Variants in DSG1 observed in about 807,000 individuals in gnomAD.
DSG1 encodes the protein desmoglein 1, also known as desmoglein-1.
DSG1 carries 39 observed loss-of-function variants against 97.5 expected under a neutral mutation model. That is an observed-to-expected ratio of 0.40 (90% confidence interval 0.31 to 0.52). The LOEUF (loss-of-function observed/expected upper bound fraction) is 0.52. Among genes scored for constraint, DSG1 ranks in the 20% least tolerant of loss-of-function variants. DSG1 has a pLI of 0.53. For synonymous variants in DSG1, 475 were observed against 443.4 expected (o/e 1.07, Z -0.90); for missense variants, 1,311 against 1,295.4 (o/e 1.01, Z -0.18).
chr18:31,346,853 T>C (rs1419160163), intron 14 of DSG1, among the ~76,000 whole-genome samples: 1 of 152,180 alleles, frequency 6.6e-6, no homozygotes, highest in Non-Finnish European at 1.5e-5. Context: ...AGTACATAGC[T>C]CAGTTCTAGA....
Position 31,334,165 on chromosome 18 carries a change from A to G in DSG1, c.968A>G (p.Asn323Ser). The G allele has an allele frequency of 6.2e-7, 1 of 1,607,184 alleles. No homozygotes were observed. Among genetic ancestry groups the G allele is most frequent in the Non-Finnish European group, 8.5e-7 (1 of 1,174,026 alleles). Residue 323 changes from asparagine (N) to serine (S), a missense_variant, in exon 8 of 15, where the codon AAT becomes AGT. By Grantham distance (46) the Asn-to-Ser change is conservative (BLOSUM62 1). Transcript: ENST00000257192. Reference sequence around the variant, plus strand: ...GGAAATTGGTTTGAGATAGAAATGAATGAAAGAACAAATGTGGGAATTTTA... The same window carrying G: ...GGAAATTGGTTTGAGATAGAAATGAGTGAAAGAACAAATGTGGGAATTTTA... ...NEGNWFEIEMNERTNVGILKV... is the reference protein window; with the variant it reads ...NEGNWFEIEMSERTNVGILKV...
Position 31,328,271 on chromosome 18 carries a change from T to C in DSG1, c.299T>C (p.Phe100Ser). 1 of 1,613,606 alleles carries C rather than the reference T, an allele frequency of 6.2e-7. No homozygotes were observed. The change falls in exon 4 of 15, where the codon TTT becomes TCT. Residue 100 changes from phenylalanine to serine, a missense_variant. This residue lies in a region of DSG1 where 259 missense variants were observed against 304.1 expected (regional missense o/e 0.85). Transcript: ENST00000257192. ...VGIDQPPYGI[F>S]VINQKTGEIN... ...ATTGATCAGCCACCATATGGGATCT[T>C]TGTCATTAATCAGAAAACTGGTGAA... is the stretch of plus-strand genomic sequence containing the variant.
chr18:31,344,529 T>TA (rs2071815788), intron 13 of DSG1, among the ~76,000 whole-genome samples: 1 of 152,194 alleles, frequency 6.6e-6, no homozygotes, highest in Non-Finnish European at 1.5e-5. Flanking sequence ...AAATATTACC[T>TA]AAAAAATATT....
intron 14 of DSG1, among the ~76,000 whole-genome samples, chr18:31,349,261 A>G (rs1443422132): frequency 2.0e-3 from 280 of 139,004 alleles, no homozygotes; most frequent in Admixed American, 3.3e-3. Flanking sequence ...GGTTTGTCAA[A>G]GATCAGATAG....
chr18:31,336,714 A>G (rs1442136602), intron 9 of DSG1, 101 bp downstream of exon 9: 1 of 1,252,936 alleles, frequency 8.0e-7, no homozygotes, highest in Non-Finnish European at 1.1e-6. Context: ...ACTTTTCATT[A>G]TTTTTGAAAC....
rs199935087 is a variant in DSG1, at chr18:31,342,587, C to A, written c.1688-863C>A. Among the ~76,000 whole-genome samples the A allele has an allele frequency of 6.6e-5, 10 of 152,136 alleles. No homozygotes were observed. The East Asian group carries it at 1.9e-3, about 29-fold the overall frequency. ...GATAATAAATAGATAAATAAGAAAA[C>A]TCCACTTAACAGCAAAAGACAGTGC... On this transcript the variant is annotated intron_variant, in intron 11 of 14. Coordinates refer to ENST00000257192, the MANE Select transcript of DSG1 (RefSeq NM_001942.4).
chr18:31,327,140 G>A, intron 3 of DSG1, 135 bp downstream of exon 3: 1 of 1,155,624 alleles, frequency 8.7e-7, no homozygotes, highest in Middle Eastern at 2.0e-4. Context: ...TCACCTAGAT[G>A]ATGAAAACTG....
Position 31,345,992 on chromosome 18 carries a change from G to C in DSG1, c.1894G>C (p.Val632Leu), listed in dbSNP as rs2071830317. 6.2e-7 allele frequency: 1 copy of C among 1,612,862 alleles called. No individual in the cohort carries two copies. Among genetic ancestry groups the C allele is most frequent in the Non-Finnish European group, 8.5e-7 (1 of 1,179,062 alleles). The change falls in exon 14 of 15, where the codon GTT (valine) becomes CTT (leucine). Residue 632 changes from valine to leucine, a missense_variant and splice_region_variant. Val to Leu is a conservative substitution (Grantham distance 32, BLOSUM62 1). Coordinates refer to ENST00000257192, the MANE Select transcript of DSG1 (RefSeq NM_001942.4). ...NIIECIDNSG[V>L]YTNEYGGREM... ...TTTAATTTGATCAACACTTTTAGGA[G>C]TTTATACAAATGAGTATGGTGGCAG...
At chr18:31,334,846 T>C (rs2071742185) in intron 8 of DSG1, among the ~76,000 whole-genome samples, 1 of 152,120 alleles carries the variant, frequency 6.6e-6, no homozygotes. Flanking sequence ...TAAAATTTCA[T>C]CTGAGATGTG....
chr18:31,353,958 A>T, intron 14 of DSG1: 1 of 314,548 alleles, frequency 3.2e-6, no homozygotes, highest in Non-Finnish European at 6.1e-6. Context: ...GGAGCTGTAG[A>T]CCAGAGCTGT....
intron 14 of DSG1, among the ~76,000 whole-genome samples, chr18:31,350,561 A>G: frequency 6.7e-6 from 1 of 149,486 alleles, no homozygotes; most frequent in African/African-American, 2.5e-5. Context: ...TCCTCCTTGT[A>G]CCTCTGGTAG....
chr18:31,344,620 A>T (rs1304242748), intron 13 of DSG1, among the ~76,000 whole-genome samples: 2 of 152,232 alleles, frequency 1.3e-5, no homozygotes, highest in Non-Finnish European at 2.9e-5. Flanking sequence ...TTGTGTGCAC[A>T]TGGTGGAGTT....
chr18:31,341,175 A>G (rs1263275168), intron 11 of DSG1, among the ~76,000 whole-genome samples: 1 of 152,250 alleles, frequency 6.6e-6, no homozygotes, highest in Non-Finnish European at 1.5e-5. Context: ...GGAAATGAGA[A>G]CAGGAGCTCT....
At chr18:31,339,632 A>T in intron 10 of DSG1, 112 bp from the exon 11 acceptor site, 1 of 737,840 alleles carries the variant, frequency 1.4e-6, no homozygotes, top group Non-Finnish European at 2.1e-6. Flanking sequence ...AGGAGAAATT[A>T]TGGGAATAAA....
Position 31,354,657 on chromosome 18 carries a change from C to G in DSG1, c.2461C>G (p.Leu821Val), listed in dbSNP as rs776018641. 5 of 1,614,054 alleles carry G rather than the reference C, an allele frequency of 3.1e-6. No homozygotes were observed. The South Asian group carries it at 4.4e-5, about 14-fold the overall frequency. The change falls in exon 15 of 15, where the codon CTG becomes GTG. Residue 821 changes from leucine (L) to valine (V), a missense_variant. Transcript: ENST00000257192. ...CACCTATCCCTCGGGACCTGGTGTA[C>G]TGCATCCTAAGCCTATTCTCGATCC... Reference protein sequence around the residue: ...ESTYPSGPGVLHPKPILDPLG... With the variant: ...ESTYPSGPGVVHPKPILDPLG...
Position 31,334,120 on chromosome 18 carries a change from T to C in DSG1, c.923T>C (p.Phe308Ser). 2 of 1,609,892 alleles carry C rather than the reference T, an allele frequency of 1.2e-6. No individual in the cohort carries two copies. The highest frequency in any genetic ancestry group is 1.7e-6 in the Non-Finnish European group (2 of 1,176,368). ...EFSANWMAVIFFISGNEGNWF... is the reference protein window; with the variant it reads ...EFSANWMAVISFISGNEGNWF... The stretch of plus-strand genomic sequence containing the variant: ...TCAGCTAACTGGATGGCAGTAATTT[T>C]CTTTATCTCTGGAAATGAAGGAAAT... The change falls in exon 8 of 15, where the codon TTC becomes TCC. Residue 308 changes from phenylalanine to serine, a missense_variant. Coordinates refer to ENST00000257192, the MANE Select transcript of DSG1 (RefSeq NM_001942.4).
chr18:31,329,054 C>T (rs1938612334), intron 4 of DSG1, among the ~76,000 whole-genome samples: 1 of 152,152 alleles, frequency 6.6e-6, no homozygotes, highest in African/African-American at 2.4e-5. Context: ...TTATTTCTCA[C>T]TCGCCCAGCT....
intron 3 of DSG1, 125 bp downstream of exon 3, chr18:31,327,130 T>A: frequency 1.6e-6 from 2 of 1,263,744 alleles, no homozygotes; most frequent in South Asian, 2.6e-5. Context: ...AGAACTATAG[T>A]CACCTAGATG....
intron 1 of DSG1, among the ~76,000 whole-genome samples, chr18:31,318,895 C>A (rs1048797397): frequency 6.6e-6 from 1 of 151,942 alleles, no homozygotes; most frequent in African/African-American, 2.4e-5. Context: ...TAAAAAGCCC[C>A]GCACTATTTA....
Sources: gnomAD v4.1 joint callset for allele counts (sites outside exome capture counted in the v4.1 genomes callset) on GRCh38, gnomAD v4.1.1 for gene constraint, gnomAD v4.1.1 regional missense constraint, MANE v1.5 for transcripts, NCBI Gene and HGNC (gene_info 2026-07-23, HGNC 2026-07-21) for gene names.